CMIP: variants seen among roughly 807,000 people sequenced by gnomAD.
CMIP encodes C-Maf-inducing protein.
Under a neutral mutation model 97.3 loss-of-function variants are expected in CMIP, and 13 were observed. That is an observed-to-expected ratio of 0.13 (90% CI 0.09 to 0.21). The LOEUF (loss-of-function observed/expected upper bound fraction) is 0.21. Ranked by LOEUF, CMIP falls within the 10% of genes least tolerant of loss-of-function variation. The pLI, the probability that CMIP is intolerant of heterozygous loss-of-function variation, is 1.00. For synonymous variants in CMIP, 538 were observed against 436.3 expected, an observed-to-expected ratio of 1.23 and a Z score of -2.91; for missense variants, 847 against 1,024.9, an observed-to-expected ratio of 0.83 and a Z score of 2.37.
intron 1 of CMIP, among the ~76,000 whole-genome samples, chr16:81,544,180 T>C (rs557153331): frequency 5.9e-5 from 9 of 152,360 alleles, no homozygotes; most frequent in Admixed American, 2.6e-4. Flanking sequence ...ATGCACCTAG[T>C]GCACAGTGAG....
At chr16:81,491,209 A>T (rs1289993618) in intron 1 of CMIP, among the ~76,000 whole-genome samples, 2 of 152,016 alleles carry the variant, frequency 1.3e-5, no homozygotes, top group African/African-American at 4.8e-5. Flanking sequence ...AGCTCCAGAG[A>T]TGTCTAGGGG....
chr16:81,656,290 C>T (rs2092481171), intron 4 of CMIP, among the ~76,000 whole-genome samples: 2 of 152,222 alleles, frequency 1.3e-5, no homozygotes, highest in Admixed American at 6.5e-5. Flanking sequence ...CTTCTGTAAA[C>T]ACATTAGATA....
intron 7 of CMIP, among the ~76,000 whole-genome samples, chr16:81,669,745 A>G (rs1413053544): frequency 8.1e-6 from 1 of 122,722 alleles, no homozygotes; most frequent in Non-Finnish European, 1.7e-5. Flanking sequence ...TTCCACACCC[A>G]CCTCTCTTCT....
At chr16:81,693,936 C>T (rs1175527787) in intron 13 of CMIP, among the ~76,000 whole-genome samples, 1 of 152,232 alleles carries the variant, frequency 6.6e-6, no homozygotes, top group Non-Finnish European at 1.5e-5. Flanking sequence ...CAAAGCTGGG[C>T]TTCCAGGGAG....
chr16:81,698,444 C>T (rs902971553), intron 14 of CMIP, among the ~76,000 whole-genome samples: 4 of 152,194 alleles, frequency 2.6e-5, no homozygotes, highest in Admixed American at 1.3e-4. Flanking sequence ...GAGCTCACAG[C>T]GGGCTTGGCA....
At chr16:81,622,430 G>A (rs1200794705) in intron 3 of CMIP, among the ~76,000 whole-genome samples, 1 of 152,094 alleles carries the variant, frequency 6.6e-6, no homozygotes, top group South Asian at 2.1e-4. Flanking sequence ...GAAGACAGGC[G>A]GGACATTCGT....
chr16:81,476,142 C>T (rs913981943), intron 1 of CMIP: 29 of 1,027,610 alleles, frequency 2.8e-5, no homozygotes, highest in African/African-American at 1.9e-4. Context: ...CCGGAGACCA[C>T]GTGCTTGCGT....
At chr16:81,500,272 G>GTCCTTCCTTCCTTCCTTCCTTCCT (rs143054986) in intron 1 of CMIP, among the ~76,000 whole-genome samples, 1,086 of 64,792 alleles carry the variant, frequency 0.017, 78 homozygotes, top group East Asian at 0.054. Context: ...CCTTCCTTCC[G>GTCCTTCCTTCCTTCCTTCCTTCCT]TCCTTCCTTC....
At chr16:81,502,511 A>G (rs970563687) in intron 1 of CMIP, among the ~76,000 whole-genome samples, 1 of 152,166 alleles carries the variant, frequency 6.6e-6, no homozygotes, top group African/African-American at 2.4e-5. Flanking sequence ...GTCCTCGTTC[A>G]TTAACTCATT....
intron 3 of CMIP, among the ~76,000 whole-genome samples, chr16:81,640,514 T>C (rs1279817385): frequency 3.3e-5 from 5 of 152,308 alleles, no homozygotes; most frequent in African/African-American, 1.2e-4. Context: ...ACAGCTGCTA[T>C]GACAAATTTC....
chr16:81,662,881 G>A (rs1011587681), intron 6 of CMIP, among the ~76,000 whole-genome samples: 3 of 152,148 alleles, frequency 2.0e-5, no homozygotes, highest in Non-Finnish European at 4.4e-5. Flanking sequence ...CAACACCCTG[G>A]TGGTCAAATG....
intron 1 of CMIP, among the ~76,000 whole-genome samples, chr16:81,463,223 A>G (rs1246417080): frequency 2.0e-5 from 3 of 152,088 alleles, no homozygotes; most frequent in Non-Finnish European, 4.4e-5. Flanking sequence ...ACCCCAATAA[A>G]CAAGTTTCCT....
chr16:81,516,387 A>G lies in CMIP; in HGVS notation c.300+70846A>G, dbSNP rs16955476. 2.5e-3 allele frequency among the ~76,000 whole-genome samples: 386 copies of G among 152,266 alleles called. 3 individuals carry two copies. The highest frequency in any genetic ancestry group is 8.8e-3 in the African/African-American group (365 of 41,558). On this transcript the variant is annotated intron_variant, in intron 1 of 20. Transcript: ENST00000537098. ...TCCACCCGAGTAGGACTGCAATCAT[A>G]TTGAGCTGCTTTCTTTTCCTAAAGG...
At chr16:81,646,655 C>T (rs1281722695) in intron 3 of CMIP, among the ~76,000 whole-genome samples, 1 of 152,152 alleles carries the variant, frequency 6.6e-6, no homozygotes, top group African/African-American at 2.4e-5. Flanking sequence ...TTCTGTGCCC[C>T]AGGCAATGAA....
intron 1 of CMIP, among the ~76,000 whole-genome samples, chr16:81,529,922 C>T (rs112197129): frequency 3.2e-4 from 48 of 152,282 alleles, no homozygotes; most frequent in African/African-American, 1.1e-3. Context: ...GAAGCCATTG[C>T]GTGTGTGGCC....
intron 1 of CMIP, among the ~76,000 whole-genome samples, chr16:81,595,387 C>CTT (rs747169672): frequency 1.2e-4 from 16 of 137,676 alleles, no homozygotes; most frequent in African/African-American, 1.6e-4. Context: ...TTCCTTCTTT[C>CTT]TTTTTTTTTT....
intron 1 of CMIP, among the ~76,000 whole-genome samples, chr16:81,491,887 G>A (rs536555663): frequency 1.9e-4 from 29 of 152,206 alleles, no homozygotes; most frequent in Admixed American, 1.0e-3. Context: ...CTCCTCTACC[G>A]TCATCAGCGG....
intron 7 of CMIP, among the ~76,000 whole-genome samples, chr16:81,668,353 G>A (rs1329982579): frequency 6.6e-6 from 1 of 152,106 alleles, no homozygotes; most frequent in African/African-American, 2.4e-5. Flanking sequence ...TGAATGCGGC[G>A]GCCAGATTCA....
At chr16:81,473,811 GTTT>G (rs5818337) in intron 1 of CMIP, among the ~76,000 whole-genome samples, 4 of 127,074 alleles carry the variant, frequency 3.1e-5, no homozygotes, top group South Asian at 2.5e-4. Context: ...CCACACAGTG[GTTT>G]TTTTTTTTTT....
Sources: allele counts gnomAD v4.1 joint callset (sites outside exome capture counted in the v4.1 genomes callset), GRCh38; gene constraint gnomAD v4.1.1; transcripts MANE v1.5; gene names NCBI Gene and HGNC (gene_info 2026-07-23, HGNC 2026-07-21).